SPAG16: variants seen among roughly 807,000 people sequenced by gnomAD.
SPAG16 encodes sperm associated antigen 16.
SPAG16 carries 86 observed loss-of-function variants against 80.4 expected under a neutral mutation model. That is an observed-to-expected ratio of 1.07 (90% CI 0.90 to 1.28). The LOEUF (loss-of-function observed/expected upper bound fraction) is 1.28. Among genes scored for constraint, SPAG16 ranks in the 50% most tolerant of loss-of-function variants. The pLI is 0.00. For synonymous variants in SPAG16, 294 were observed against 265.9 expected, an observed-to-expected ratio of 1.11 and a Z score of -1.03; for missense variants, 870 against 765.3, an observed-to-expected ratio of 1.14 and a Z score of -1.61.
rs184056135 is a variant in SPAG16 at position 213,635,184 on chromosome 2, G to A, written c.1070+145094G>A. Among the ~76,000 whole-genome samples the A allele has an allele frequency of 7.2e-4, 110 of 151,762 alleles. 2 individuals are homozygous for A. The South Asian group carries it at 9.2e-3, about 13-fold the overall frequency. ...TGAGTAGCTGGGAATACAGGTGCCCGCCACCATGCCTGGCTAATTTTTTTG... is the reference window on the plus strand; with the variant it reads ...TGAGTAGCTGGGAATACAGGTGCCCACCACCATGCCTGGCTAATTTTTTTG... On this transcript the variant is annotated intron_variant, in intron 10 of 15. Coordinates refer to ENST00000331683, the MANE Select transcript of SPAG16 (RefSeq NM_024532.5).
intron 11 of SPAG16, among the ~76,000 whole-genome samples, chr2:213,875,294 A>T (rs550967517): frequency 8.5e-5 from 13 of 152,220 alleles, no homozygotes; most frequent in African/African-American, 2.9e-4. Context: ...CACTCATTGA[A>T]AAAATCTGTG....
At chr2:213,625,329 A>C (rs188204882) in intron 10 of SPAG16, among the ~76,000 whole-genome samples, 2 of 152,144 alleles carry the variant, frequency 1.3e-5, no homozygotes, top group Non-Finnish European at 2.9e-5. Flanking sequence ...ACATGAGAGC[A>C]AAGTGGGAGG....
chr2:214,337,614 C>T (rs900026817), intron 15 of SPAG16, among the ~76,000 whole-genome samples: 3 of 152,094 alleles, frequency 2.0e-5, no homozygotes, highest in Non-Finnish European at 2.9e-5. Flanking sequence ...ACCAACAGAC[C>T]TCCTATGGGT....
chr2:213,976,141 C>A (rs940089112), intron 12 of SPAG16, among the ~76,000 whole-genome samples: 9 of 128,190 alleles, frequency 7.0e-5, no homozygotes, highest in African/African-American at 2.7e-4. Context: ...TATATACACA[C>A]ACACACACAC....
chr2:214,298,313 A>G (rs1694305315), intron 15 of SPAG16, among the ~76,000 whole-genome samples: 1 of 151,966 alleles, frequency 6.6e-6, no homozygotes, highest in African/African-American at 2.4e-5. Flanking sequence ...TGCTCAAGTC[A>G]TTTATCAAAG....
intron 14 of SPAG16, among the ~76,000 whole-genome samples, chr2:214,132,824 G>C (rs551733124): frequency 2.6e-5 from 4 of 152,270 alleles, no homozygotes; most frequent in Admixed American, 2.6e-4. Flanking sequence ...TCATGGCTGG[G>C]CCTATGCCTT....
At chr2:214,108,415 T>C (rs1476926018) in intron 14 of SPAG16, among the ~76,000 whole-genome samples, 154 bp downstream of exon 14, 1 of 150,970 alleles carries the variant, frequency 6.6e-6, no homozygotes, top group Non-Finnish European at 1.5e-5. Flanking sequence ...TCTATAGGTA[T>C]ATAGGGTTGC....
At chr2:213,974,187 T>G (rs2045237244) in intron 12 of SPAG16, among the ~76,000 whole-genome samples, 1 of 152,254 alleles carries the variant, frequency 6.6e-6, no homozygotes, top group East Asian at 1.9e-4. Flanking sequence ...TAATTAGTTC[T>G]GTCTCTTATT....
At chr2:213,556,144 A>G (rs141666448) in intron 10 of SPAG16, among the ~76,000 whole-genome samples, 142 of 152,072 alleles carry the variant, frequency 9.3e-4, no homozygotes, top group African/African-American at 3.3e-3. Context: ...ATCAGTAAAG[A>G]AGACAGCTAA....
chr2:213,710,238 C>T (rs533953124), intron 10 of SPAG16, among the ~76,000 whole-genome samples: 28 of 151,252 alleles, frequency 1.9e-4, no homozygotes, highest in South Asian at 1.3e-3. Context: ...GAGCCGAGAT[C>T]GCACCACTGC....
Position 213,985,138 on chromosome 2 carries a change from A to G in SPAG16, c.1401-28813A>G, listed in dbSNP as rs180964263. Among the ~76,000 whole-genome samples, 16 of 152,228 alleles carry G rather than the reference A, an allele frequency of 1.1e-4. No individual in the cohort carries two copies. The East Asian group carries it at 3.1e-3, about 29-fold the overall frequency. ...TCTTACTGCTTAGAATTGAGTGTAG[A>G]AAATAGAAGTTCCTCAAGAAGTATC... is the stretch of plus-strand genomic sequence containing the variant. On this transcript the variant is annotated intron_variant, in intron 12 of 15. Transcript: ENST00000331683.
chr2:214,381,580 A>C (rs996028817), intron 15 of SPAG16, among the ~76,000 whole-genome samples: 1 of 152,188 alleles, frequency 6.6e-6, no homozygotes, highest in Non-Finnish European at 1.5e-5. Flanking sequence ...TTATCTGCAA[A>C]ATTGTTGATG....
chr2:213,368,703 C>G (rs1489616497), intron 8 of SPAG16, among the ~76,000 whole-genome samples: 3 of 152,180 alleles, frequency 2.0e-5, no homozygotes, highest in Non-Finnish European at 4.4e-5. Flanking sequence ...AGCTGATAAG[C>G]AACTTCAGCA....
intron 15 of SPAG16, among the ~76,000 whole-genome samples, chr2:214,371,715 C>T (rs181319172): frequency 0.017 from 2,465 of 146,226 alleles, 32 homozygotes; most frequent in Admixed American, 0.025. Context: ...GAGTCTCACT[C>T]AGTCGTCCAG....
At chr2:213,356,106 T>G (rs1187153742) in intron 7 of SPAG16, among the ~76,000 whole-genome samples, 1 of 151,698 alleles carries the variant, frequency 6.6e-6, no homozygotes, top group African/African-American at 2.4e-5. Context: ...TCAAAGGCCT[T>G]TTCTGGTGGA....
Position 214,014,042 on chromosome 2 carries a change from G to A in SPAG16, c.1492G>A (p.Ala498Thr), listed in dbSNP as rs1265833353. The change falls in exon 13 of 16, where the codon GCA becomes ACA. Residue 498 changes from alanine (A) to threonine (T), a missense_variant. Transcript: ENST00000331683. ...PFSNTLLTSS[A>T]DKTLSIWDAR... ...CTCCAATACTCTTCTCACAAGCTCTGCAGACAAGACCCTGTCTATATGGGA... is the reference window on the plus strand; with the variant it reads ...CTCCAATACTCTTCTCACAAGCTCTACAGACAAGACCCTGTCTATATGGGA... 5.0e-6 allele frequency: 8 copies of A among 1,613,436 alleles called. No individual in the cohort carries two copies. Among genetic ancestry groups the A allele is most frequent in the South Asian group, 2.2e-5 (2 of 91,052 alleles).
chr2:213,705,197 G>A (rs1047639889), intron 10 of SPAG16, among the ~76,000 whole-genome samples: 1 of 151,964 alleles, frequency 6.6e-6, no homozygotes, highest in Admixed American at 6.6e-5. Flanking sequence ...GCAGTGAGCC[G>A]TGATCGTGCC....
chr2:213,501,014 A>G (rs888526964), intron 10 of SPAG16, among the ~76,000 whole-genome samples: 11 of 152,352 alleles, frequency 7.2e-5, no homozygotes, highest in African/African-American at 2.6e-4. Flanking sequence ...GAGGGGAAAA[A>G]GTACCTGTAT....
At chr2:213,743,726 G>C (rs982239285) in intron 10 of SPAG16, among the ~76,000 whole-genome samples, 2 of 151,756 alleles carry the variant, frequency 1.3e-5, no homozygotes. Context: ...TATTTGTTGC[G>C]CATTTCTTTT....
Sources: allele counts gnomAD v4.1 joint callset (sites outside exome capture counted in the v4.1 genomes callset), GRCh38; gene constraint gnomAD v4.1.1; transcripts MANE v1.5; gene names NCBI Gene and HGNC (gene_info 2026-07-23, HGNC 2026-07-21).